The following C8orf34 variants were observed in gnomAD, a reference collection of about 807,000 sequenced individuals.
C8orf34 encodes chromosome 8 open reading frame 34.
In C8orf34, 65 loss-of-function variants were observed where a neutral mutation model predicts 68.3. The ratio of observed to expected loss-of-function variants is 0.95; its 90% confidence interval spans 0.78 to 1.17. The LOEUF (loss-of-function observed/expected upper bound fraction) is 1.17. Among genes scored for constraint, C8orf34 ranks in the 50% most tolerant of loss-of-function variants. The pLI, the probability that C8orf34 is intolerant of heterozygous loss-of-function variation, is 0.00. For synonymous variants in C8orf34, 244 were observed against 241.2 expected (o/e 1.01, Z -0.11); for missense variants, 664 against 655.4 (o/e 1.01, Z -0.14).
At chr8:68,633,686 A>C (rs1365706707) in intron 7 of C8orf34, among the ~76,000 whole-genome samples, 1 of 152,176 alleles carries the variant, frequency 6.6e-6, no homozygotes, top group Non-Finnish European at 1.5e-5. Flanking sequence ...TATCTCCCAT[A>C]TCTATGGCAC....
intron 7 of C8orf34, among the ~76,000 whole-genome samples, chr8:68,539,715 A>G (rs959371362): frequency 1.3e-5 from 2 of 151,948 alleles, no homozygotes; most frequent in African/African-American, 4.8e-5. Flanking sequence ...TTAGCCAGGC[A>G]TGGTGGCACA....
intron 1 of C8orf34, among the ~76,000 whole-genome samples, chr8:68,349,185 G>A (rs1185171702): frequency 6.6e-6 from 1 of 152,036 alleles, no homozygotes; most frequent in African/African-American, 2.4e-5. Flanking sequence ...TTAACAGGAA[G>A]GAGTATTGAA....
chr8:68,488,614 A>G (rs985032660), intron 5 of C8orf34, among the ~76,000 whole-genome samples: 7 of 152,166 alleles, frequency 4.6e-5, no homozygotes, highest in Admixed American at 1.3e-4. Context: ...AAATCAGTCA[A>G]TGATGGATTG....
intron 5 of C8orf34, among the ~76,000 whole-genome samples, chr8:68,512,623 A>G (rs1814325722): frequency 6.6e-6 from 1 of 152,124 alleles, no homozygotes; most frequent in South Asian, 2.1e-4. Context: ...TAAATATAAC[A>G]TATTTAGTCA....
At chr8:68,707,158 A>G (rs772330914) in intron 8 of C8orf34, among the ~76,000 whole-genome samples, 19 of 152,198 alleles carry the variant, frequency 1.2e-4, no homozygotes, top group Non-Finnish European at 2.2e-4. Flanking sequence ...AACCTCTTAC[A>G]GAAGTGGTGC....
At chr8:68,559,744 C>T (rs1170052258) in intron 7 of C8orf34, among the ~76,000 whole-genome samples, 4 of 152,122 alleles carry the variant, frequency 2.6e-5, no homozygotes, top group Admixed American at 2.0e-4. Flanking sequence ...TAGCCAGGAA[C>T]TTCAAAATTT....
chr8:68,552,441 C>T (rs140698848), intron 7 of C8orf34, among the ~76,000 whole-genome samples: 121 of 151,874 alleles, frequency 8.0e-4, no homozygotes, highest in African/African-American at 2.4e-3. Context: ...GTGTTTTTTC[C>T]ATGCTATTGT....
intron 7 of C8orf34, among the ~76,000 whole-genome samples, chr8:68,573,798 T>G (rs553585537): frequency 7.9e-5 from 12 of 152,296 alleles, no homozygotes; most frequent in African/African-American, 2.6e-4. Flanking sequence ...TGTTGTTTAG[T>G]GTTGCATTTA....
chr8:68,420,402 A>T (rs993123237), intron 1 of C8orf34, among the ~76,000 whole-genome samples: 1 of 152,302 alleles, frequency 6.6e-6, no homozygotes, highest in Admixed American at 6.5e-5. Flanking sequence ...TTGATTCAAA[A>T]TGATTGTAGA....
intron 1 of C8orf34, among the ~76,000 whole-genome samples, chr8:68,409,844 A>G (rs1383470897): frequency 1.3e-5 from 2 of 152,180 alleles, no homozygotes; most frequent in Non-Finnish European, 2.9e-5. Context: ...CTTTTATATC[A>G]TATTTTTACT....
intron 6 of C8orf34, chr8:68,530,761 C>A: frequency 6.1e-6 from 2 of 330,380 alleles, no homozygotes; most frequent in Non-Finnish European, 8.8e-6. Context: ...GAGGGTTAGT[C>A]AAATTAAAAA....
chr8:68,532,252 T>C (rs1815279496), intron 6 of C8orf34, among the ~76,000 whole-genome samples: 1 of 152,130 alleles, frequency 6.6e-6, no homozygotes. Context: ...TATTTAACTA[T>C]TGAAACAAAA....
intron 3 of C8orf34, among the ~76,000 whole-genome samples, chr8:68,454,762 C>G (rs993626901): frequency 6.6e-6 from 1 of 151,824 alleles, no homozygotes; most frequent in Admixed American, 6.6e-5. Context: ...CTGCTTTAAC[C>G]TTTACTATTT....
At chr8:68,793,078 A>G (rs890415042) in intron 12 of C8orf34, among the ~76,000 whole-genome samples, 3 of 152,168 alleles carry the variant, frequency 2.0e-5, no homozygotes, top group African/African-American at 7.2e-5. Flanking sequence ...GTGACTAAAA[A>G]ATTTTCCAGA....
intron 1 of C8orf34, among the ~76,000 whole-genome samples, chr8:68,357,600 T>C (rs192010082): frequency 1.3e-5 from 2 of 152,314 alleles, no homozygotes; most frequent in East Asian, 3.9e-4. Flanking sequence ...TATTTTTGGA[T>C]AAATTTTGTG....
intron 1 of C8orf34, among the ~76,000 whole-genome samples, chr8:68,366,835 T>C (rs1288087254): frequency 6.8e-6 from 1 of 147,274 alleles, no homozygotes; most frequent in Non-Finnish European, 1.5e-5. Flanking sequence ...GACATAGGCA[T>C]GGGCAAGGAC....
intron 3 of C8orf34, among the ~76,000 whole-genome samples, chr8:68,456,835 T>G (rs1811574519): frequency 6.6e-6 from 1 of 152,214 alleles, no homozygotes; most frequent in Non-Finnish European, 1.5e-5. Flanking sequence ...CTTCAATAGT[T>G]ATGTGTCATA....
intron 8 of C8orf34, among the ~76,000 whole-genome samples, chr8:68,683,756 C>T (rs1820434616): frequency 6.6e-6 from 1 of 151,988 alleles, no homozygotes; most frequent in Non-Finnish European, 1.5e-5. Context: ...TAAAAAAAGT[C>T]ACATTTATTA....
chr8:68,739,600 C>G (rs999698151), intron 10 of C8orf34, among the ~76,000 whole-genome samples: 1 of 152,052 alleles, frequency 6.6e-6, no homozygotes, highest in Admixed American at 6.6e-5. Flanking sequence ...ATGACACAAA[C>G]AAATGAAACA....
Sources: allele counts gnomAD v4.1 joint callset (sites outside exome capture counted in the v4.1 genomes callset), GRCh38; gene constraint gnomAD v4.1.1; transcripts MANE v1.5; gene names NCBI Gene and HGNC (gene_info 2026-07-23, HGNC 2026-07-21).